The following MYOM1 variants were observed in gnomAD, a reference collection of about 807,000 sequenced individuals.
The protein encoded by MYOM1 is myomesin-1.
A neutral mutation model predicts 205.3 loss-of-function variants in MYOM1; 164 were observed. That is an observed-to-expected ratio of 0.80 (90% CI 0.70 to 0.91). The LOEUF (loss-of-function observed/expected upper bound fraction) is 0.91. MYOM1 is among the 40% of genes least tolerant of loss of function. The pLI, the probability that MYOM1 is intolerant of heterozygous loss-of-function variation, is 0.00. For missense variants in MYOM1, 2,011 were observed against 2,127.3 expected (o/e 0.95, Z 1.08); for synonymous variants, 772 against 789.4 (o/e 0.98, Z 0.37).
chr18:3,084,343 C>T (rs2079124966), intron 31 of MYOM1, among the ~76,000 whole-genome samples: 1 of 152,008 alleles, frequency 6.6e-6, no homozygotes, highest in Admixed American at 6.6e-5. Context: ...CTTCTTAATT[C>T]CCAGGAAGCC....
At chr18:3,147,052 A>G (rs1352113583) in intron 13 of MYOM1, among the ~76,000 whole-genome samples, 1 of 144,212 alleles carries the variant, frequency 6.9e-6, no homozygotes, top group East Asian at 1.9e-4. Context: ...AATATTATAT[A>G]TTATATATAA....
At chr18:3,172,296 T>C (rs2080570173) in intron 8 of MYOM1, among the ~76,000 whole-genome samples, 1 of 152,088 alleles carries the variant, frequency 6.6e-6, no homozygotes, top group Non-Finnish European at 1.5e-5. Flanking sequence ...AATTCGGGGG[T>C]CATCAGAGAG....
intron 37 of MYOM1, 37 bp from the exon 38 acceptor site, chr18:3,067,592 T>C (rs943800248): frequency 1.9e-6 from 3 of 1,590,636 alleles, no homozygotes; most frequent in African/African-American, 1.3e-5. Flanking sequence ...AGAAGATAAA[T>C]TAGATGTAAT....
intron 14 of MYOM1, among the ~76,000 whole-genome samples, chr18:3,141,007 A>G (rs946275301): frequency 1.3e-5 from 2 of 152,236 alleles, no homozygotes; most frequent in African/African-American, 4.8e-5. Flanking sequence ...TCTCAATTAT[A>G]TCCTAATCAG....
In MYOM1 at chr18:3,094,316, GTAAAAA is replaced by G; in HGVS notation, c.3728-16_3728-11del. 1 of 1,501,010 alleles carries G rather than the reference GTAAAAA, an allele frequency of 6.7e-7. No individual in the cohort carries two copies. 93.0% of individuals were successfully genotyped at this position (1,501,010 alleles called of 1,614,324 possible). A position where few individuals can be genotyped will look rare whatever the true frequency, so the allele number is the denominator to read the frequency against. On this transcript the variant is annotated splice_polypyrimidine_tract_variant and intron_variant, in intron 25 of 37. Transcript: ENST00000356443. ...GATTTAACTGGGACAGCTATGAAAA[GTAAAAA>G]TAAACACAGTAATTATATTGGTAAC...
At chr18:3,083,550 TCC>T (rs2079113200) in intron 33 of MYOM1, among the ~76,000 whole-genome samples, 2 of 147,880 alleles carry the variant, frequency 1.4e-5, no homozygotes, top group Non-Finnish European at 3.0e-5. Context: ...TGCCTCAGCC[TCC>T]CCAGTAGCTC....
intron 2 of MYOM1, among the ~76,000 whole-genome samples, chr18:3,199,975 A>C (rs1401517727): frequency 6.6e-6 from 1 of 152,146 alleles, no homozygotes; most frequent in Non-Finnish European, 1.5e-5. Context: ...ATGCAAACAC[A>C]GTGTGATTCC....
chr18:3,071,911 G>C (rs775018515), intron 36 of MYOM1, 22 bp from the exon 37 acceptor site: 2 of 1,595,366 alleles, frequency 1.3e-6, no homozygotes, highest in South Asian at 2.3e-5. Context: ...GGCATTTTGG[G>C]TTAATCACTG....
chr18:3,069,130 C>G (rs1028282692), intron 37 of MYOM1, among the ~76,000 whole-genome samples: 4 of 152,016 alleles, frequency 2.6e-5, no homozygotes, highest in African/African-American at 9.7e-5. Context: ...AGCGGCTATA[C>G]AATTTTGGCT....
At chr18:3,202,625 G>A (rs1295521481) in intron 2 of MYOM1, among the ~76,000 whole-genome samples, 1 of 152,048 alleles carries the variant, frequency 6.6e-6, no homozygotes, top group East Asian at 1.9e-4. Flanking sequence ...AATTGTAAAT[G>A]TATATACACC....
In MYOM1 at chr18:3,067,113, T is replaced by C; in HGVS notation, c.*149A>G. 1.2e-6 allele frequency: 1 copy of C among 805,894 alleles called. No individual in the cohort carries two copies. Among genetic ancestry groups the C allele is most frequent in the East Asian group, 2.7e-5 (1 of 37,062 alleles). The allele number at this position is 805,894 out of a possible 1,614,324, so 49.9% of individuals were successfully genotyped here. On this transcript the variant is annotated 3_prime_UTR_variant, in exon 38 of 38. Coordinates refer to ENST00000356443, the MANE Select transcript of MYOM1 (RefSeq NM_003803.4). ...AAACAATTAAAGTGTCATTAGTTGG[T>C]GCTTTTTTATATGAGTGAAAGACCT...
At chr18:3,181,148 A>G (rs1306047643) in intron 5 of MYOM1, among the ~76,000 whole-genome samples, 1 of 152,124 alleles carries the variant, frequency 6.6e-6, no homozygotes. Flanking sequence ...GCTGGTCTCA[A>G]ACTCCTGACC....
At chr18:3,085,810 A>T (rs1159577169) in intron 30 of MYOM1, among the ~76,000 whole-genome samples, 1 of 152,226 alleles carries the variant, frequency 6.6e-6, no homozygotes, top group Non-Finnish European at 1.5e-5. Context: ...TATGGATAAA[A>T]GCAACTCAGA....
chr18:3,068,509 C>G (rs562587170), intron 37 of MYOM1, among the ~76,000 whole-genome samples: 2 of 152,160 alleles, frequency 1.3e-5, no homozygotes, highest in South Asian at 4.2e-4. Context: ...TTGCGTTGTC[C>G]TTTTATACCC....
chr18:3,107,172 C>A (rs1240898997), intron 22 of MYOM1, among the ~76,000 whole-genome samples: 1 of 152,140 alleles, frequency 6.6e-6, no homozygotes, highest in African/African-American at 2.4e-5. Flanking sequence ...GGCTGGAGTG[C>A]AGTGGCACGA....
At chr18:3,094,405 G>C (rs2079271925) in intron 25 of MYOM1, 99 bp from the exon 26 acceptor site, 2 of 1,218,676 alleles carry the variant, frequency 1.6e-6, no homozygotes, top group East Asian at 5.1e-5. Context: ...CCACACAATG[G>C]AAATGACAAT....
At chr18:3,155,498 A>C (rs2080289275) in intron 10 of MYOM1, among the ~76,000 whole-genome samples, 1 of 152,212 alleles carries the variant, frequency 6.6e-6, no homozygotes, top group Non-Finnish European at 1.5e-5. Context: ...TGCTGGGATT[A>C]CAGGCGTGAG....
At chr18:3,247,219 G>T in the MYOM1 span, 1 of 152,376 alleles carries the variant, frequency 6.6e-6, no homozygotes, top group Non-Finnish European at 1.5e-5. Context: ...GGGCCCCAGG[G>T]ACACACGTTT....
chr18:3,117,384 A>G (rs1317726248), intron 20 of MYOM1, among the ~76,000 whole-genome samples: 3 of 152,258 alleles, frequency 2.0e-5, no homozygotes, highest in African/African-American at 7.2e-5. Flanking sequence ...TCCTTTTACC[A>G]AATTAAATAT....
Sources: gnomAD v4.1 joint callset for allele counts (sites outside exome capture counted in the v4.1 genomes callset) on GRCh38, gnomAD v4.1.1 for gene constraint, MANE v1.5 for transcripts, NCBI Gene and HGNC (gene_info 2026-07-23, HGNC 2026-07-21) for gene names.